Variants in HELZ observed in about 807,000 individuals in gnomAD.
HELZ encodes the protein helicase with zinc finger, also known as ATP-dependent RNA helicase with zinc finger domain.
In HELZ, 23 loss-of-function variants were observed where a neutral mutation model predicts 218.2. That is an observed-to-expected ratio of 0.11 (90% CI 0.08 to 0.15). The LOEUF (loss-of-function observed/expected upper bound fraction) is 0.15. HELZ is among the 10% of genes least tolerant of loss of function. The pLI, the probability that HELZ is intolerant of heterozygous loss-of-function variation, is 1.00. For missense variants in HELZ, 1,813 were observed against 2,353.7 expected, an observed-to-expected ratio of 0.77 and a Z score of 4.75; for synonymous variants, 814 against 829.4, an observed-to-expected ratio of 0.98 and a Z score of 0.32.
In HELZ at chr17:67,149,930, G is replaced by C. The variant is rs979602849; in HGVS notation, c.2412C>G (p.Thr804=). 40 of 1,611,116 alleles carry C rather than the reference G, an allele frequency of 2.5e-5. No homozygotes were observed. The highest frequency in any genetic ancestry group is 3.1e-5 in the Non-Finnish European group (36 of 1,178,478). The change falls in exon 19 of 33, where the codon ACC becomes ACG. Residue 804 remains threonine (T), a synonymous_variant. Coordinates refer to ENST00000358691, the MANE Select transcript of HELZ (RefSeq NM_014877.4). ...DEAAQAMECE[T]IMPLALATQN... ...GAGTTGCTAATGCTAGAGGCATAAT[G>C]GTTTCACACTCCATGGCCTGGGCAG...
chr17:67,220,879 A>G (rs2040727854), intron 3 of HELZ, among the ~76,000 whole-genome samples: 1 of 132,144 alleles, frequency 7.6e-6, no homozygotes, highest in South Asian at 2.8e-4. Flanking sequence ...AGAGTACTGT[A>G]TTCTTGGTCT....
chr17:67,210,896 C>A (rs1435602806), intron 5 of HELZ, among the ~76,000 whole-genome samples: 1 of 151,906 alleles, frequency 6.6e-6, no homozygotes, highest in Non-Finnish European at 1.5e-5. Context: ...CATTCTAGCC[C>A]AGCAACAGAA....
intron 3 of HELZ, among the ~76,000 whole-genome samples, chr17:67,230,664 C>G (rs886751122): frequency 1.3e-5 from 2 of 150,774 alleles, no homozygotes; most frequent in African/African-American, 4.9e-5. Flanking sequence ...TACTGCTTGC[C>G]AAGAAAATTA....
At chr17:67,110,571 C>T (rs991999744) in intron 28 of HELZ, among the ~76,000 whole-genome samples, 4 of 152,112 alleles carry the variant, frequency 2.6e-5, no homozygotes, top group African/African-American at 4.8e-5. Context: ...ATACACTGTG[C>T]CTGGTGTTGG....
Position 67,201,008 on chromosome 17 carries a change from C to T in HELZ, c.429+121G>A, listed in dbSNP as rs920760307. On this transcript the variant is annotated intron_variant, in intron 7 of 32. Transcript: ENST00000358691. ...GAGGGAAGGCTGGCAGTCCCACTGC[C>T]CCACCTTCACAGCCTCGCCTTCTGG... 6.4e-6 allele frequency: 5 copies of T among 787,060 alleles called. No individual in the cohort carries two copies. In the African/African-American group the frequency reaches 8.4e-5, roughly 13 times the overall value. 48.8% of individuals were successfully genotyped at this position (787,060 alleles called of 1,614,324 possible).
At chr17:67,153,199 A>G (rs2038741174) in intron 17 of HELZ, among the ~76,000 whole-genome samples, 1 of 152,142 alleles carries the variant, frequency 6.6e-6, no homozygotes, top group Admixed American at 6.6e-5. Flanking sequence ...TGTTTTTTTA[A>G]ACAAGACACA....
At chr17:67,192,013 G>C (rs1360399287) in intron 9 of HELZ, among the ~76,000 whole-genome samples, 1 of 151,702 alleles carries the variant, frequency 6.6e-6, no homozygotes, top group African/African-American at 2.4e-5. Context: ...AGACCAGCCT[G>C]ACCAACATGC....
At chr17:67,155,938 T>C (rs949443556) in intron 17 of HELZ, among the ~76,000 whole-genome samples, 1 of 150,008 alleles carries the variant, frequency 6.7e-6, no homozygotes, top group African/African-American at 2.4e-5. Context: ...GTGTATATAT[T>C]ATACATATAT....
chr17:67,195,935 T>G (rs1313058322), intron 7 of HELZ, among the ~76,000 whole-genome samples: 1 of 134,388 alleles, frequency 7.4e-6, no homozygotes, highest in Non-Finnish European at 1.6e-5. Flanking sequence ...CACTGCAACC[T>G]CCACCCCCCG....
chr17:67,103,945 C>T (rs1208670214), intron 31 of HELZ, among the ~76,000 whole-genome samples: 1 of 152,188 alleles, frequency 6.6e-6, no homozygotes, highest in Non-Finnish European at 1.5e-5. Context: ...AACCCAGCAT[C>T]TACAGTCAAC....
intron 25 of HELZ, 148 bp downstream of exon 25, chr17:67,123,815 C>CTGTATGTG: frequency 1.9e-6 from 1 of 534,092 alleles, no homozygotes; most frequent in South Asian, 2.6e-5. Context: ...TCCAAAGTGA[C>CTGTATGTG]TGTGTGTGTG....
At chr17:67,086,266 G>A (rs1175689667) in intron 32 of HELZ, among the ~76,000 whole-genome samples, 1 of 152,032 alleles carries the variant, frequency 6.6e-6, no homozygotes, top group Non-Finnish European at 1.5e-5. Flanking sequence ...TTCCAAATAT[G>A]GATATATCTA....
At chr17:67,173,365 T>C (rs2039365584) in intron 13 of HELZ, among the ~76,000 whole-genome samples, 1 of 152,202 alleles carries the variant, frequency 6.6e-6, no homozygotes, top group Admixed American at 6.5e-5. Flanking sequence ...AAAAACCATC[T>C]TTCCATTGTT....
chr17:67,245,913 GGCTCCGC>G (rs2041470509), upstream of HELZ: 2 of 152,224 alleles, frequency 1.3e-5, no homozygotes, highest in Admixed American at 1.3e-4. Flanking sequence ...TGTGGCTCCA[GGCTCCGC>G]GGAGCCACCC....
At chr17:67,173,522 A>G (rs1170249682) in intron 13 of HELZ, among the ~76,000 whole-genome samples, 1 of 152,234 alleles carries the variant, frequency 6.6e-6, no homozygotes, top group Non-Finnish European at 1.5e-5. Context: ...AACCTTAGTA[A>G]CAATTCCATC....
At chr17:67,199,399 C>T (rs1369142146) in intron 7 of HELZ, among the ~76,000 whole-genome samples, 2 of 151,864 alleles carry the variant, frequency 1.3e-5, no homozygotes, top group African/African-American at 4.8e-5. Context: ...TTTTAGTAGA[C>T]ACAGGGTTTC....
chr17:67,179,023 G>A, intron 12 of HELZ, 97 bp from the exon 13 acceptor site: 1 of 769,074 alleles, frequency 1.3e-6, no homozygotes, highest in South Asian at 2.0e-5. Flanking sequence ...TTTTGTATGA[G>A]AATTGTATAT....
chr17:67,101,032 C>A (rs1221435264), intron 31 of HELZ, among the ~76,000 whole-genome samples: 1 of 151,396 alleles, frequency 6.6e-6, no homozygotes, highest in Non-Finnish European at 1.5e-5. Flanking sequence ...ATGGCATGAA[C>A]CCGGGAGGCG....
intron 12 of HELZ, among the ~76,000 whole-genome samples, chr17:67,186,930 A>G (rs1432808642): frequency 6.6e-6 from 1 of 152,220 alleles, no homozygotes; most frequent in East Asian, 1.9e-4. Flanking sequence ...GGCAAACTAC[A>G]ACACGAAAGT....
Sources: gnomAD v4.1 joint callset for allele counts (sites outside exome capture counted in the v4.1 genomes callset) on GRCh38, gnomAD v4.1.1 for gene constraint, MANE v1.5 for transcripts, NCBI Gene and HGNC (gene_info 2026-07-23, HGNC 2026-07-21) for gene names.